CSMD1: variants seen among roughly 807,000 people sequenced by gnomAD.
The protein encoded by CSMD1 is CUB and Sushi multiple domains 1.
CSMD1 carries 213 observed loss-of-function variants against 417.5 expected under a neutral mutation model. The ratio of observed to expected loss-of-function variants is 0.51; its 90% CI spans 0.46 to 0.57. The LOEUF (loss-of-function observed/expected upper bound fraction) is 0.57, where lower values mean the gene tolerates loss of function less well. Among genes scored for constraint, CSMD1 ranks in the 20% least tolerant of loss-of-function variants. The pLI, the probability that CSMD1 is intolerant of heterozygous loss-of-function variation, is 0.00. For missense variants in CSMD1, 6,923 were observed against 4,529.7 expected, an observed-to-expected ratio of 1.53 and a Z score of -15.17; for synonymous variants, 2,862 against 1,736.8, an observed-to-expected ratio of 1.65 and a Z score of -16.11.
intron 2 of CSMD1, among the ~76,000 whole-genome samples, chr8:4,505,532 T>C (rs574888814): frequency 6.6e-6 from 1 of 152,344 alleles, no homozygotes; most frequent in South Asian, 2.1e-4. Flanking sequence ...TTCCTCAGAA[T>C]CTTGATATTC....
In CSMD1 at chr8:3,231,743, C is replaced by A. The variant is rs1180045966; in HGVS notation, c.4154-1512G>T. 2.6e-5 allele frequency among the ~76,000 whole-genome samples: 4 copies of A among 152,202 alleles called. No individual in the cohort carries two copies. The East Asian group carries it at 7.7e-4, about 29-fold the overall frequency. On this transcript the variant is annotated intron_variant, in intron 26 of 69. Coordinates refer to ENST00000635120, the MANE Select transcript of CSMD1 (RefSeq NM_033225.6). ...TCATATGATACAGACATCAAGGATC[C>A]TATAGTTGGTCAGACCTGCTTCAAA...
At chr8:2,943,212 A>C (rs1297408611) in intron 68 of CSMD1, among the ~76,000 whole-genome samples, 1 of 151,928 alleles carries the variant, frequency 6.6e-6, no homozygotes, top group African/African-American at 2.4e-5. Flanking sequence ...AACTTTTTAA[A>C]TTAAATAATT....
intron 1 of CSMD1, among the ~76,000 whole-genome samples, chr8:4,750,712 G>A (rs760472537): frequency 3.9e-4 from 59 of 149,626 alleles, no homozygotes; most frequent in South Asian, 8.4e-4. Flanking sequence ...TTTCCCAATA[G>A]AAACTTGACT....
chr8:3,289,915 G>C (rs1386032322), intron 25 of CSMD1, among the ~76,000 whole-genome samples: 2 of 147,524 alleles, frequency 1.4e-5, no homozygotes, highest in Non-Finnish European at 2.9e-5. Flanking sequence ...CCTGTGTCCT[G>C]AATGGTATTG....
chr8:3,813,550 A>G (rs1466356443), intron 5 of CSMD1, among the ~76,000 whole-genome samples: 7 of 152,176 alleles, frequency 4.6e-5, no homozygotes, highest in Non-Finnish European at 7.4e-5. Context: ...ATATAACACA[A>G]CGTAGGAGTC....
chr8:4,277,893 G>A (rs528688448), intron 3 of CSMD1, among the ~76,000 whole-genome samples: 13 of 151,934 alleles, frequency 8.6e-5, no homozygotes, highest in South Asian at 6.3e-4. Flanking sequence ...GACTACAGGC[G>A]CCCACCACCA....
intron 11 of CSMD1, among the ~76,000 whole-genome samples, chr8:3,487,593 C>G (rs1585238328): frequency 6.6e-6 from 1 of 152,100 alleles, no homozygotes; most frequent in South Asian, 2.1e-4. Flanking sequence ...ACCAAAGTAT[C>G]GGGTAAATTT....
chr8:3,957,548 G>A (rs947101047), intron 5 of CSMD1, among the ~76,000 whole-genome samples: 1 of 152,040 alleles, frequency 6.6e-6, no homozygotes, highest in Non-Finnish European at 1.5e-5. Flanking sequence ...GCTGGGCATG[G>A]CGGGGCATAC....
chr8:4,178,176 C>A (rs184405865), intron 3 of CSMD1, among the ~76,000 whole-genome samples: 1 of 152,084 alleles, frequency 6.6e-6, no homozygotes, highest in Non-Finnish European at 1.5e-5. Flanking sequence ...ATGCAGAAAC[C>A]CTCAATACGA....
At chr8:4,660,712 T>C (rs771670710) in intron 1 of CSMD1, among the ~76,000 whole-genome samples, 5 of 152,208 alleles carry the variant, frequency 3.3e-5, no homozygotes, top group Non-Finnish European at 5.9e-5. Flanking sequence ...AGAAAGTATT[T>C]GAAAATCACA....
intron 5 of CSMD1, among the ~76,000 whole-genome samples, chr8:3,977,884 C>T (rs1318545965): frequency 6.6e-6 from 1 of 152,152 alleles, no homozygotes; most frequent in African/African-American, 2.4e-5. Flanking sequence ...ATTTAATAAA[C>T]TCAAGAATGG....
chr8:4,160,963 G>C (rs1462965996), intron 3 of CSMD1, among the ~76,000 whole-genome samples: 1 of 152,148 alleles, frequency 6.6e-6, no homozygotes, highest in African/African-American at 2.4e-5. Context: ...TTTATCAGTT[G>C]ATATAAAAAT....
chr8:4,203,361 C>T (rs1439656524), intron 3 of CSMD1, among the ~76,000 whole-genome samples: 1 of 152,112 alleles, frequency 6.6e-6, no homozygotes, highest in African/African-American at 2.4e-5. Flanking sequence ...ATCAGCCTTC[C>T]AACCTGTGGA....
At position 2,974,142 on chromosome 8, in the gene CSMD1, A is replaced by T. The variant is rs184121434; in HGVS notation, c.8740+309T>A. 5.9e-5 allele frequency among the ~76,000 whole-genome samples: 9 copies of T among 152,000 alleles called. No homozygotes were observed. The East Asian group carries it at 1.7e-3, about 29-fold the overall frequency. On this transcript the variant is annotated intron_variant, in intron 56 of 69. Coordinates refer to ENST00000635120, the MANE Select transcript of CSMD1 (RefSeq NM_033225.6). ...GGTAGAGGGAGGGAAAATTAACCAC[A>T]TAAAAAAGAATAAAGAGCGAACAGG... is the stretch of plus-strand genomic sequence containing the variant.
intron 20 of CSMD1, among the ~76,000 whole-genome samples, chr8:3,364,681 ATATGG>A (rs1190770100): frequency 6.6e-6 from 1 of 152,108 alleles, no homozygotes; most frequent in East Asian, 1.9e-4. Context: ...CCCCATGGGG[ATATGG>A]GCGATTCTCC....
intron 10 of CSMD1, among the ~76,000 whole-genome samples, chr8:3,550,702 C>T (rs148782644): frequency 7.7e-4 from 118 of 152,292 alleles, no homozygotes; most frequent in African/African-American, 2.7e-3. Context: ...TATTTGTTTG[C>T]TTGCCTATTT....
intron 2 of CSMD1, among the ~76,000 whole-genome samples, chr8:4,513,573 T>A (rs1180593273): frequency 6.6e-6 from 1 of 152,194 alleles, no homozygotes. Flanking sequence ...AGTGACACAC[T>A]GATTAAGCAC....
chr8:4,092,809 A>G (rs909736597), intron 3 of CSMD1, among the ~76,000 whole-genome samples: 7 of 152,124 alleles, frequency 4.6e-5, no homozygotes, highest in Middle Eastern at 3.2e-3. Flanking sequence ...TAATAGACCA[A>G]TATTTTTAAT....
At chr8:3,905,531 T>G (rs545257767) in intron 5 of CSMD1, among the ~76,000 whole-genome samples, 1 of 152,348 alleles carries the variant, frequency 6.6e-6, no homozygotes, top group South Asian at 2.1e-4. Context: ...TTCTCAACAT[T>G]CAGCATGCAT....
Sources: gnomAD v4.1 joint callset for allele counts (sites outside exome capture counted in the v4.1 genomes callset) on GRCh38, gnomAD v4.1.1 for gene constraint, MANE v1.5 for transcripts, NCBI Gene and HGNC (gene_info 2026-07-23, HGNC 2026-07-21) for gene names.